The following KAZN variants were observed in gnomAD, a reference collection of about 807,000 sequenced individuals.
The protein encoded by KAZN is kazrin, periplakin interacting protein, also known as kazrin.
A neutral mutation model predicts 87.4 loss-of-function variants in KAZN; 40 were observed. The ratio of observed to expected loss-of-function variants is 0.46; its 90% CI spans 0.36 to 0.60. The LOEUF is 0.60. KAZN is among the 20% of genes least tolerant of loss of function. The pLI, the probability that KAZN is intolerant of heterozygous loss-of-function variation, is 0.00. For synonymous variants in KAZN, 466 were observed against 458.3 expected (o/e 1.02, Z -0.22); for missense variants, 898 against 1,073.9 (o/e 0.84, Z 2.29).
At chr1:14,143,360 C>T (rs1029232723) in intron 1 of KAZN, among the ~76,000 whole-genome samples, 1 of 152,176 alleles carries the variant, frequency 6.6e-6, no homozygotes, top group Non-Finnish European at 1.5e-5. Context: ...CCCTAGAAAA[C>T]CCCTTTCATT....
At chr1:13,909,011 TG>T (rs1639551614) in intron 1 of KAZN, among the ~76,000 whole-genome samples, 1 of 152,192 alleles carries the variant, frequency 6.6e-6, no homozygotes, top group African/African-American at 2.4e-5. Flanking sequence ...CCTCGCTTCT[TG>T]GTACACGCAG....
At chr1:14,805,556 C>T (rs1451037212) in intron 1 of KAZN, among the ~76,000 whole-genome samples, 1 of 151,956 alleles carries the variant, frequency 6.6e-6, no homozygotes, top group Non-Finnish European at 1.5e-5. Context: ...GTCAGGAGTT[C>T]GAGACCAGCC....
chr1:14,345,446 A>T (rs1658037866), intron 2 of KAZN, among the ~76,000 whole-genome samples: 1 of 152,136 alleles, frequency 6.6e-6, no homozygotes. Flanking sequence ...AAAAAGAAAC[A>T]GATGGAATTA....
At chr1:14,570,341 A>G (rs1674787949) in intron 2 of KAZN, among the ~76,000 whole-genome samples, 1 of 152,176 alleles carries the variant, frequency 6.6e-6, no homozygotes, top group Non-Finnish European at 1.5e-5. Context: ...CACTAATTTC[A>G]GAACATTACC....
intron 2 of KAZN, among the ~76,000 whole-genome samples, chr1:14,383,159 T>C (rs1661527722): frequency 6.6e-6 from 1 of 152,154 alleles, no homozygotes; most frequent in African/African-American, 2.4e-5. Flanking sequence ...CACTTTTTGA[T>C]GGGGTTGTTT....
At chr1:14,005,949 T>G (rs1640018638) in intron 1 of KAZN, among the ~76,000 whole-genome samples, 2 of 152,200 alleles carry the variant, frequency 1.3e-5, no homozygotes, top group Non-Finnish European at 2.9e-5. Context: ...TATGTATCCA[T>G]CTGTCAGCCT....
At chr1:14,543,364 G>A (rs1672933478) in intron 2 of KAZN, among the ~76,000 whole-genome samples, 1 of 152,080 alleles carries the variant, frequency 6.6e-6, no homozygotes, top group African/African-American at 2.4e-5. Context: ...AGCTTCACTG[G>A]TCTTCTAGCT....
intron 1 of KAZN, chr1:14,946,290 C>CCAGTCTGGACTTCTT (rs1553161025): frequency 6.6e-6 from 1 of 151,814 alleles, no homozygotes; most frequent in Non-Finnish European, 1.5e-5. Flanking sequence ...TGCTCAGACC[C>CCAGTCTGGACTTCTT]CAGTCTGGAC....
chr1:15,035,497 T>C (rs1367365877), intron 3 of KAZN, among the ~76,000 whole-genome samples: 1 of 152,150 alleles, frequency 6.6e-6, no homozygotes, highest in Non-Finnish European at 1.5e-5. Flanking sequence ...TTTCACCATG[T>C]ATCTCTCTGG....
intron 2 of KAZN, among the ~76,000 whole-genome samples, chr1:14,514,595 T>TTATATATATATA (rs754845099): frequency 1.5e-5 from 1 of 66,534 alleles, no homozygotes; most frequent in African/African-American, 7.2e-5. Flanking sequence ...TTTTTATATT[T>TTATATATATATA]TATATATATA....
chr1:15,014,134 C>T (rs1175278177), intron 2 of KAZN, among the ~76,000 whole-genome samples: 4 of 152,100 alleles, frequency 2.6e-5, no homozygotes, highest in Admixed American at 6.5e-5. Context: ...TGCCCTTGGT[C>T]CTTCTGAATG....
chr1:14,862,591 A>T (rs1323611833), intron 1 of KAZN, among the ~76,000 whole-genome samples: 1 of 152,142 alleles, frequency 6.6e-6, no homozygotes, highest in African/African-American at 2.4e-5. Flanking sequence ...GGGAGTGAAG[A>T]TGATTTAAAC....
intron 2 of KAZN, among the ~76,000 whole-genome samples, chr1:14,990,168 C>T (rs1257721845): frequency 6.6e-6 from 1 of 152,194 alleles, no homozygotes; most frequent in Non-Finnish European, 1.5e-5. Context: ...GATCAGCAAA[C>T]TGTGGCTGGC....
chr1:14,180,685 C>T (rs1646178828), intron 2 of KAZN: 2 of 922,726 alleles, frequency 2.2e-6, no homozygotes, highest in Non-Finnish European at 1.6e-6. Context: ...ACTACCACAC[C>T]TATTGAAACC....
chr1:14,389,697 G>A (rs1035840922), intron 2 of KAZN, among the ~76,000 whole-genome samples: 3 of 152,172 alleles, frequency 2.0e-5, no homozygotes, highest in Admixed American at 1.3e-4. Context: ...GGTTACCAGA[G>A]GCTGGGAAGG....
At chr1:14,614,201 C>T (rs1418657165) in intron 1 of KAZN, among the ~76,000 whole-genome samples, 1 of 152,188 alleles carries the variant, frequency 6.6e-6, no homozygotes, top group African/African-American at 2.4e-5. Flanking sequence ...TGGATAATGG[C>T]CTAATCTCTC....
chr1:14,740,834 C>T (rs1450277296), intron 1 of KAZN, among the ~76,000 whole-genome samples: 1 of 152,190 alleles, frequency 6.6e-6, no homozygotes, highest in Non-Finnish European at 1.5e-5. Flanking sequence ...CTTTGCTGGG[C>T]TTTGGGGATT....
Position 14,769,020 on chromosome 1 carries a change from C to A in KAZN, c.226+169797C>A. ...TGCAGAATTCTTCACAGCTAGTTGA[C>A]TTTCCGTAAAAGCTTCTGAGTTAAT... On this transcript the variant is annotated intron_variant, in intron 1 of 14. Transcript: ENST00000376030. This position sits in a 1 kb window ranked among gnomAD's most constrained non-coding sequence, Gnocchi z 4.1. Among the ~76,000 whole-genome samples, 1 of 152,222 alleles carries A rather than the reference C, an allele frequency of 6.6e-6. No homozygotes were observed. Among genetic ancestry groups the A allele is most frequent in the East Asian group, 1.9e-4 (1 of 5,202 alleles).
intron 1 of KAZN, among the ~76,000 whole-genome samples, chr1:14,604,302 C>T (rs150664834): frequency 6.6e-6 from 1 of 152,236 alleles, no homozygotes; most frequent in African/African-American, 2.4e-5. Flanking sequence ...CCGAAGCCAA[C>T]AGGGTGGCCA....
Sources: allele counts gnomAD v4.1 joint callset (sites outside exome capture counted in the v4.1 genomes callset), GRCh38; gene constraint gnomAD v4.1.1; non-coding constraint Gnocchi (gnomAD v3.1); transcripts MANE v1.5; gene names NCBI Gene and HGNC (gene_info 2026-07-23, HGNC 2026-07-21).